Variants in TCF7L2 observed in about 807,000 individuals in gnomAD.
The protein encoded by TCF7L2 is transcription factor 7-like 2.
TCF7L2 carries 23 observed loss-of-function variants against 77.9 expected under a neutral mutation model. The observed-to-expected ratio is 0.30, with a 90% CI of 0.21 to 0.42. TCF7L2 has a LOEUF of 0.42. Among genes scored for constraint, TCF7L2 ranks in the 10% least tolerant of loss-of-function variants. TCF7L2 has a pLI of 1.00. For missense variants in TCF7L2, 654 were observed against 793.1 expected (o/e 0.82, Z 2.11); for synonymous variants, 413 against 340.2 (o/e 1.21, Z -2.36).
intron 12 of TCF7L2, 125 bp downstream of exon 14, chr10:113,160,117 C>CATTAAAA: frequency 2.5e-6 from 2 of 794,548 alleles, no homozygotes; most frequent in Non-Finnish European, 2.0e-6. Flanking sequence ...GGGAGTGGGA[C>CATTAAAA]ACTGCCAAGT....
chr10:113,158,913 TTTTG>T (rs908446718), intron 12 of TCF7L2, among the ~76,000 whole-genome samples, 196 bp downstream of exon 13: 3 of 151,900 alleles, frequency 2.0e-5, no homozygotes, highest in Non-Finnish European at 2.9e-5. Flanking sequence ...TTAACCTTTG[TTTTG>T]TTTATTTATT....
At chr10:112,962,935 G>T (rs1175732478) in intron 3 of TCF7L2, among the ~76,000 whole-genome samples, 9 of 152,140 alleles carry the variant, frequency 5.9e-5, no homozygotes, top group Non-Finnish European at 1.0e-4. Context: ...GAGTATGTGT[G>T]GGGGGCTGTG....
chr10:113,010,971 A>G (rs1181781506), intron 4 of TCF7L2, among the ~76,000 whole-genome samples: 2 of 152,136 alleles, frequency 1.3e-5, no homozygotes, highest in African/African-American at 4.8e-5. Context: ...GTGCCACTGT[A>G]CTCCAGCCTG....
At chr10:113,095,275 A>T (rs1220512534) in intron 5 of TCF7L2, among the ~76,000 whole-genome samples, 3 of 152,180 alleles carry the variant, frequency 2.0e-5, no homozygotes, top group Non-Finnish European at 4.4e-5. Context: ...CTTCGCATGT[A>T]TAGCCCCGGA....
intron 4 of TCF7L2, among the ~76,000 whole-genome samples, chr10:112,965,921 C>T (rs1201663786): frequency 6.6e-6 from 1 of 151,912 alleles, no homozygotes; most frequent in African/African-American, 2.4e-5. Context: ...TGCCTGTAAT[C>T]CCAGCACTTT....
At chr10:113,003,903 A>G (rs556715024) in intron 4 of TCF7L2, among the ~76,000 whole-genome samples, 1 of 152,354 alleles carries the variant, frequency 6.6e-6, no homozygotes, top group East Asian at 1.9e-4. Context: ...CCCACGGGGA[A>G]CAGGGACCAT....
intron 8 of TCF7L2, 96 bp from the exon 9 acceptor site, chr10:113,150,902 C>G (rs962662245): frequency 4.0e-6 from 6 of 1,510,582 alleles, no homozygotes; most frequent in South Asian, 2.5e-5. Context: ...GTGAGTGTTA[C>G]GTGCTGTTTT....
intron 5 of TCF7L2, among the ~76,000 whole-genome samples, chr10:113,088,911 C>G (rs2060096068): frequency 6.6e-6 from 1 of 151,404 alleles, no homozygotes; most frequent in African/African-American, 2.4e-5. Context: ...TAAGTCCAGT[C>G]CGGGCAACAT....
chr10:113,087,859 C>G (rs775865894), intron 5 of TCF7L2, among the ~76,000 whole-genome samples: 6 of 152,294 alleles, frequency 3.9e-5, no homozygotes, highest in Non-Finnish European at 7.3e-5. Flanking sequence ...AAACTTGAGG[C>G]CCATGGGAAT....
At chr10:113,024,652 G>A (rs1369421608) in intron 4 of TCF7L2, among the ~76,000 whole-genome samples, 1 of 120,688 alleles carries the variant, frequency 8.3e-6, no homozygotes, top group Non-Finnish European at 1.6e-5. Context: ...AGAGTTTCAC[G>A]CTTGTTCCCC....
intron 4 of TCF7L2, among the ~76,000 whole-genome samples, chr10:113,029,924 AT>A (rs2049928030): frequency 6.6e-6 from 1 of 152,260 alleles, no homozygotes; most frequent in African/African-American, 2.4e-5. Context: ...TTCACATATA[AT>A]TCACACGTCA....
intron 4 of TCF7L2, among the ~76,000 whole-genome samples, chr10:113,028,369 C>G (rs2049590821): frequency 6.6e-6 from 1 of 152,160 alleles, no homozygotes; most frequent in Admixed American, 6.5e-5. Flanking sequence ...TTCACCCTGG[C>G]TTTGGGGTTT....
chr10:113,122,820 G>A (rs1318658026), intron 5 of TCF7L2, among the ~76,000 whole-genome samples: 2 of 152,128 alleles, frequency 1.3e-5, no homozygotes, highest in Non-Finnish European at 1.5e-5. Flanking sequence ...ACCTGGGCCC[G>A]GTATCCCTCC....
intron 3 of TCF7L2, among the ~76,000 whole-genome samples, chr10:112,961,645 A>G (rs7895657): frequency 0.72 from 109,405 of 152,036 alleles, 39,893 homozygotes; most frequent in African/African-American, 0.84. Context: ...AAGGAGAAAT[A>G]AAAATTTTAA....
At chr10:113,126,425 C>T (rs2065617620) in intron 5 of TCF7L2, among the ~76,000 whole-genome samples, 1 of 152,154 alleles carries the variant, frequency 6.6e-6, no homozygotes, top group Non-Finnish European at 1.5e-5. Flanking sequence ...GCATTACTTT[C>T]ACCAACTTAG....
At chr10:113,068,940 A>C in intron 5 of TCF7L2, among the ~76,000 whole-genome samples, 1 of 148,410 alleles carries the variant, frequency 6.7e-6, no homozygotes, top group Admixed American at 6.7e-5. Flanking sequence ...AACAACCACC[A>C]CCAAGAACAA....
At chr10:113,047,229 A>C (rs73358292) in intron 5 of TCF7L2, among the ~76,000 whole-genome samples, 2,821 of 152,276 alleles carry the variant, frequency 0.019, 101 homozygotes, top group African/African-American at 0.065. Context: ...AGTGTTAAAA[A>C]ATTTCTTGAT....
chr10:113,022,528 T>G (rs11196192), intron 4 of TCF7L2, among the ~76,000 whole-genome samples: 9,218 of 152,224 alleles, frequency 0.061, 294 homozygotes, highest in Non-Finnish European at 0.072. Context: ...AGGAAGACTT[T>G]TGGTCACTCT....
intron 5 of TCF7L2, among the ~76,000 whole-genome samples, chr10:113,101,906 A>G (rs1273945366): frequency 1.4e-5 from 2 of 148,136 alleles, no homozygotes; most frequent in Non-Finnish European, 3.0e-5. Context: ...TGGGAGGCCA[A>G]GGCGGGTGGA....
Sources: allele counts gnomAD v4.1 joint callset (sites outside exome capture counted in the v4.1 genomes callset), GRCh38; gene constraint gnomAD v4.1.1; transcripts MANE v1.5; gene names NCBI Gene and HGNC (gene_info 2026-07-23, HGNC 2026-07-21).